Variants in SPRED2 observed in about 807,000 individuals in gnomAD.
SPRED2 encodes the protein sprouty-related, EVH1 domain-containing protein 2.
In SPRED2, 47 loss-of-function variants were observed where a neutral mutation model predicts 43.0. That is an observed-to-expected ratio of 1.09 (90% CI 0.87 to 1.40). The LOEUF (loss-of-function observed/expected upper bound fraction) is 1.40, where lower values mean the gene tolerates loss of function less well. SPRED2 is among the 40% of genes most tolerant of loss of function. SPRED2 has a pLI of 0.00. For missense variants in SPRED2, 561 were observed against 586.4 expected, an observed-to-expected ratio of 0.96 and a Z score of 0.45; for synonymous variants, 225 against 225.7, an observed-to-expected ratio of 1.00 and a Z score of 0.03.
At chr2:65,364,835 C>CTT (rs1243575453) in intron 1 of SPRED2, among the ~76,000 whole-genome samples, 1 of 151,826 alleles carries the variant, frequency 6.6e-6, no homozygotes, top group Non-Finnish European at 1.5e-5. Context: ...GTTATTCTGT[C>CTT]TTTAAAATAA....
rs539386278 is a variant in SPRED2 at position 65,372,620 on chromosome 2, T to C, written c.27-27724A>G. Among the ~76,000 whole-genome samples the C allele has an allele frequency of 1.9e-4, 29 of 152,232 alleles. 1 individual carries two copies. Among genetic ancestry groups the C allele is most frequent in the African/African-American group, 6.5e-4 (27 of 41,528 alleles). The stretch of plus-strand genomic sequence containing the variant: ...CCAAGTCTAGATCTAGAAGTGGAAT[T>C]TGAAGTTCAAGGGATTGGGTTAACT... On this transcript the variant is annotated intron_variant, in intron 1 of 5. Coordinates refer to ENST00000356388, the MANE Select transcript of SPRED2 (RefSeq NM_181784.3).
intron 4 of SPRED2, among the ~76,000 whole-genome samples, chr2:65,326,017 A>G (rs1417186583): frequency 1.3e-5 from 2 of 151,890 alleles, no homozygotes; most frequent in African/African-American, 4.8e-5. Flanking sequence ...ATTTTGATTG[A>G]TTAAGTAGAA....
intron 1 of SPRED2, among the ~76,000 whole-genome samples, chr2:65,376,312 T>A (rs1675235972): frequency 6.6e-6 from 1 of 152,204 alleles, no homozygotes; most frequent in Non-Finnish European, 1.5e-5. Context: ...CGGCATTCCA[T>A]GGGTCCGTTT....
At chr2:65,366,380 AG>A (rs1250857825) in intron 1 of SPRED2, among the ~76,000 whole-genome samples, 1 of 152,216 alleles carries the variant, frequency 6.6e-6, no homozygotes, top group East Asian at 1.9e-4. Flanking sequence ...GAGGCATGAG[AG>A]GCTAAGAGCT....
At chr2:65,362,250 A>G (rs933238110) in intron 1 of SPRED2, among the ~76,000 whole-genome samples, 3 of 151,842 alleles carry the variant, frequency 2.0e-5, no homozygotes, top group African/African-American at 7.3e-5. Context: ...TGCTTTCTCT[A>G]TGGTCATCAT....
rs1208922932 is a variant in SPRED2 at position 65,334,682 on chromosome 2, C to T, written c.296G>A (p.Gly99Glu). Reference sequence around the variant, plus strand: ...ATCAGCAGGGCTTTGGAAAGTAAGTCCAAACTTCCTATTATCGACCTTCCA... The same window carrying T: ...ATCAGCAGGGCTTTGGAAAGTAAGTTCAAACTTCCTATTATCGACCTTCCA... ...HHWKVDNRKF[G>E]LTFQSPADAR... The change falls in exon 3 of 6, where the codon GGA (glycine) becomes GAA (glutamate). Residue 99 changes from glycine to glutamate, a missense_variant. Around this residue, in one of 6 missense-constraint regions of SPRED2, gnomAD observed 305 missense variants for 282.4 expected, o/e 1.08. Coordinates refer to ENST00000356388, the MANE Select transcript of SPRED2 (RefSeq NM_181784.3). 6.2e-7 allele frequency: 1 copy of T among 1,614,194 alleles called. No homozygotes were observed. Among genetic ancestry groups the T allele is most frequent in the Non-Finnish European group, 8.5e-7 (1 of 1,180,022 alleles).
At chr2:65,321,759 T>G (rs1235303704) in intron 4 of SPRED2, among the ~76,000 whole-genome samples, 3 of 152,078 alleles carry the variant, frequency 2.0e-5, no homozygotes, top group Non-Finnish European at 4.4e-5. Context: ...TAAAATGGGA[T>G]TTAAAATTTC....
Position 65,322,290 on chromosome 2 carries a change from A to ATTTTT in SPRED2, c.439-5408_439-5407insAAAAA, listed in dbSNP as rs1346549604. 3.5e-4 allele frequency among the ~76,000 whole-genome samples: 28 copies of ATTTTT among 78,946 alleles called. 2 individuals are homozygous for ATTTTT. The highest frequency in any genetic ancestry group is 1.5e-3 in the African/African-American group (25 of 16,372). The allele number at this position is 78,946 out of a possible 152,430, so 51.8% of individuals were successfully genotyped here. ...TCTCTCTATATATATATATATATAT[A>ATTTTT]TATATTTTTTTTTTTTTTTTTGAGA... On this transcript the variant is annotated intron_variant, in intron 4 of 5. Transcript: ENST00000356388.
In SPRED2 at chr2:65,334,763, T is replaced by G. The variant is rs149672957; in HGVS notation, c.215A>C (p.Glu72Ala). Residue 72 changes from glutamate (E) to alanine (A), a missense_variant, in exon 3 of 6, where the codon GAA becomes GCA. This residue lies in a region of SPRED2 where 305 missense variants were observed against 282.4 expected (regional missense o/e 1.08). Transcript: ENST00000356388. ...ERQKDKLVVL[E>A]CYVRKDLVYT... ...GACCAAGTCCTTTCTTACATAGCAT[T>G]CCAATACCACCTGAAGGATGGAAAC... 10 of 1,614,020 alleles carry G rather than the reference T, an allele frequency of 6.2e-6. No homozygotes were observed. In the African/African-American group the frequency reaches 1.1e-4, roughly 17 times the overall value.
intron 1 of SPRED2, among the ~76,000 whole-genome samples, chr2:65,424,382 GAATA>G (rs1676508343): frequency 6.6e-6 from 1 of 152,082 alleles, no homozygotes; most frequent in Non-Finnish European, 1.5e-5. Flanking sequence ...TTCAATTAAT[GAATA>G]GTTACTTCAA....
At position 65,322,292 on chromosome 2, in the gene SPRED2, ATATT is replaced by A. The variant is rs1404022171; in HGVS notation, c.439-5413_439-5410del. ...TCTCTATATATATATATATATATATATATTTTTTTTTTTTTTTTTGAGACGGAGT... is the reference window on the plus strand; with the variant it reads ...TCTCTATATATATATATATATATATATTTTTTTTTTTTTTTGAGACGGAGT... On this transcript the variant is annotated intron_variant, in intron 4 of 5. Transcript: ENST00000356388. Among the ~76,000 whole-genome samples the A allele has an allele frequency of 5.2e-3, 370 of 70,772 alleles. 9 individuals are homozygous for A. The highest frequency in any genetic ancestry group is 0.018 in the African/African-American group (252 of 13,890). 46.4% of individuals were successfully genotyped at this position (70,772 alleles called of 152,430 possible).
intron 1 of SPRED2, among the ~76,000 whole-genome samples, chr2:65,414,026 A>T (rs1474794388): frequency 6.6e-6 from 1 of 152,228 alleles, no homozygotes; most frequent in Non-Finnish European, 1.5e-5. Flanking sequence ...CTCTAGGGAT[A>T]TACCGTCCCA....
At chr2:65,321,548 T>C (rs1482965706) in intron 4 of SPRED2, among the ~76,000 whole-genome samples, 7 of 145,072 alleles carry the variant, frequency 4.8e-5, no homozygotes, top group Non-Finnish European at 9.0e-5. Flanking sequence ...AATTAAGAAG[T>C]GTGCAACCTA....
chr2:65,313,424 C>T lies in SPRED2; in HGVS notation c.*77G>A, dbSNP rs1050357072. The T allele has an allele frequency of 3.0e-5, 45 of 1,523,824 alleles. No individual in the cohort carries two copies. Among genetic ancestry groups the T allele is most frequent in the Admixed American group, 2.7e-4 (13 of 47,902 alleles). The allele number at this position is 1,523,824 out of a possible 1,614,324, so 94.4% of individuals were successfully genotyped here. A position where few individuals can be genotyped will look rare whatever the true frequency, so the allele number is the denominator to read the frequency against. On this transcript the variant is annotated 3_prime_UTR_variant, in exon 6 of 6. Transcript: ENST00000356388. The stretch of plus-strand genomic sequence containing the variant: ...CCTCGCTCCTTGGAGTGGAAGGGAG[C>T]GGGGGAGAAGATGAGAGTATGTAAG...
chr2:65,335,161 T>A (rs572767262), intron 2 of SPRED2, among the ~76,000 whole-genome samples: 5 of 152,312 alleles, frequency 3.3e-5, no homozygotes, highest in Non-Finnish European at 5.9e-5. Context: ...TTCCAAAAGT[T>A]GAAAAATTAA....
intron 1 of SPRED2, among the ~76,000 whole-genome samples, chr2:65,413,073 C>G (rs1167613584): frequency 2.0e-5 from 3 of 152,320 alleles, no homozygotes; most frequent in African/African-American, 7.2e-5. Context: ...CAGTGGGGAA[C>G]TCCTTTCCCC....
chr2:65,360,654 T>C (rs896418797), intron 1 of SPRED2, among the ~76,000 whole-genome samples: 1 of 151,982 alleles, frequency 6.6e-6, no homozygotes, highest in Non-Finnish European at 1.5e-5. Context: ...AGGAGAACAG[T>C]GGTTGCCAGA....
intron 5 of SPRED2, among the ~76,000 whole-genome samples, chr2:65,315,418 G>A (rs1432305143): frequency 3.3e-5 from 5 of 152,156 alleles, no homozygotes; most frequent in Non-Finnish European, 5.9e-5. Context: ...TTACGGACTT[G>A]ATCATGCGCT....
rs771048941 is a variant in SPRED2 at position 65,327,954 on chromosome 2, C to A, written c.438+4033G>T. Among the ~76,000 whole-genome samples, 181 of 152,036 alleles carry A rather than the reference C, an allele frequency of 1.2e-3. 1 individual carries two copies. Among genetic ancestry groups the A allele is most frequent in the Non-Finnish European group, 2.3e-3 (157 of 67,968 alleles). ...GGCCAGGCTGGTCTTGAATTGCTGA[C>A]CTCGTGATCCGCCCACCTTGGCCTC... is the stretch of plus-strand genomic sequence containing the variant. On this transcript the variant is annotated intron_variant, in intron 4 of 5. Transcript: ENST00000356388.
Sources: allele counts gnomAD v4.1 joint callset (sites outside exome capture counted in the v4.1 genomes callset), GRCh38; gene constraint gnomAD v4.1.1; regional missense constraint gnomAD v4.1.1; transcripts MANE v1.5; gene names NCBI Gene and HGNC (gene_info 2026-07-23, HGNC 2026-07-21).